The following DLG2 variants were observed in gnomAD, a reference collection of about 807,000 sequenced individuals.
The protein encoded by DLG2 is discs large MAGUK scaffold protein 2, also known as disks large homolog 2.
In DLG2, 45 loss-of-function variants were observed where a neutral mutation model predicts 132.5. The ratio of observed to expected loss-of-function variants is 0.34; its 90% CI spans 0.27 to 0.44. DLG2 has a LOEUF of 0.44. Among genes scored for constraint, DLG2 ranks in the 20% least tolerant of loss-of-function variants. DLG2 has a pLI of 1.00. For missense variants in DLG2, 1,045 were observed against 1,196.9 expected (o/e 0.87, Z 1.87); for synonymous variants, 424 against 419.6 (o/e 1.01, Z -0.13).
At chr11:84,331,244 A>C (rs1418257779) in intron 7 of DLG2, among the ~76,000 whole-genome samples, 1 of 152,104 alleles carries the variant, frequency 6.6e-6, no homozygotes, top group Non-Finnish European at 1.5e-5. Flanking sequence ...AAACTTACAG[A>C]ATTAGAAGTA....
At chr11:83,762,795 A>G (rs1478729323) in intron 18 of DLG2, among the ~76,000 whole-genome samples, 2 of 152,078 alleles carry the variant, frequency 1.3e-5, no homozygotes, top group Admixed American at 6.5e-5. Flanking sequence ...GTTAACCAGG[A>G]TGGTCTCGAT....
At chr11:84,629,415 G>C (rs2099627985) in intron 6 of DLG2, among the ~76,000 whole-genome samples, 1 of 152,068 alleles carries the variant, frequency 6.6e-6, no homozygotes, top group South Asian at 2.1e-4. Context: ...GAAATGCTGG[G>C]GAGCTGTCAC....
At chr11:84,387,905 G>A (rs1171136440) in intron 7 of DLG2, among the ~76,000 whole-genome samples, 1 of 152,138 alleles carries the variant, frequency 6.6e-6, no homozygotes, top group African/African-American at 2.4e-5. Context: ...ATCTATGACT[G>A]GAACCTTGTT....
At chr11:84,955,995 G>C (rs1386197651) in intron 6 of DLG2, among the ~76,000 whole-genome samples, 1 of 152,158 alleles carries the variant, frequency 6.6e-6, no homozygotes, top group South Asian at 2.1e-4. Flanking sequence ...GCAGATAATG[G>C]GAAGCACTGC....
chr11:84,470,979 T>C (rs1364799382), intron 7 of DLG2, among the ~76,000 whole-genome samples: 2 of 151,810 alleles, frequency 1.3e-5, no homozygotes, highest in East Asian at 1.9e-4. Flanking sequence ...GCCCTCCCTA[T>C]TTTTCTTATA....
chr11:84,377,105 T>C (rs1172521129), intron 7 of DLG2, among the ~76,000 whole-genome samples: 1 of 152,112 alleles, frequency 6.6e-6, no homozygotes, highest in Non-Finnish European at 1.5e-5. Context: ...TGATTTAATG[T>C]AATACAAATT....
At chr11:83,467,942 T>TTTGTTACATTTA (rs2091439224) in intron 25 of DLG2, among the ~76,000 whole-genome samples, 1 of 151,142 alleles carries the variant, frequency 6.6e-6, no homozygotes, top group South Asian at 2.1e-4. Context: ...CAAATAAAAA[T>TTTGTTACATTTA]GCTATTACAT....
Position 83,541,719 on chromosome 11 carries a change from C to T in DLG2, c.2080G>A (p.Asp694Asn). ...GGGATGACCCCCATCTCCTCACTGTCTCCCTCCAGCATGACTCTCCTGGCT... is the reference window on the plus strand; with the variant it reads ...GGGATGACCCCCATCTCCTCACTGTTTCCCTCCAGCATGACTCTCCTGGCT... Reference protein sequence around the residue: ...WQARRVMLEGDSEEMGVIPSK... With the variant: ...WQARRVMLEGNSEEMGVIPSK... Residue 694 changes from aspartate (D) to asparagine (N), a missense_variant, in exon 20 of 28, where the codon GAC becomes AAC. Physicochemically the swap from Asp to Asn is conservative, Grantham distance 23. Coordinates refer to ENST00000376104, the MANE Select transcript of DLG2 (RefSeq NM_001142699.3). 1 of 1,612,134 alleles carries T rather than the reference C, an allele frequency of 6.2e-7. No homozygotes were observed. Among genetic ancestry groups the T allele is most frequent in the Non-Finnish European group, 8.5e-7 (1 of 1,179,038 alleles).
At chr11:83,691,764 T>C (rs1432465207) in intron 18 of DLG2, among the ~76,000 whole-genome samples, 1 of 152,142 alleles carries the variant, frequency 6.6e-6, no homozygotes. Flanking sequence ...TCTCCAAGGG[T>C]CTCGGCCACT....
chr11:83,586,824 A>C (rs571537579), intron 19 of DLG2, among the ~76,000 whole-genome samples: 1 of 152,174 alleles, frequency 6.6e-6, no homozygotes, highest in Non-Finnish European at 1.5e-5. Flanking sequence ...CTAGCACCAA[A>C]GCTGGTGCTC....
At chr11:83,837,313 C>T (rs2056460588) in intron 16 of DLG2, among the ~76,000 whole-genome samples, 1 of 152,162 alleles carries the variant, frequency 6.6e-6, no homozygotes, top group Non-Finnish European at 1.5e-5. Flanking sequence ...GTTCAGCTCC[C>T]CACTAGAAAG....
rs1448294510 is a variant in DLG2 at position 84,302,019 on chromosome 11, T to C, written c.520-50728A>G. ...TACACCAGGGAATACTATGCAGCCATAAAAAAGGATGAGTTCACATCCTTT... is the reference window on the plus strand; with the variant it reads ...TACACCAGGGAATACTATGCAGCCACAAAAAAGGATGAGTTCACATCCTTT... On this transcript the variant is annotated intron_variant, in intron 7 of 27. Transcript: ENST00000376104. 2.6e-5 allele frequency among the ~76,000 whole-genome samples: 4 copies of C among 152,094 alleles called. No homozygotes were observed. The East Asian group carries it at 7.7e-4, about 29-fold the overall frequency.
intron 18 of DLG2, among the ~76,000 whole-genome samples, chr11:83,712,941 C>G (rs903615145): frequency 1.3e-5 from 2 of 151,010 alleles, no homozygotes. Context: ...ACCTGCGCAT[C>G]CTGCCCATGT....
intron 22 of DLG2, among the ~76,000 whole-genome samples, chr11:83,481,170 T>A (rs2093071403): frequency 6.6e-6 from 1 of 151,896 alleles, no homozygotes; most frequent in African/African-American, 2.4e-5. Context: ...TATGTTTTTT[T>A]TAAATTCATG....
At chr11:84,932,195 T>A (rs1261920223) in intron 6 of DLG2, among the ~76,000 whole-genome samples, 1 of 152,196 alleles carries the variant, frequency 6.6e-6, no homozygotes, top group Non-Finnish European at 1.5e-5. Flanking sequence ...TCTTTGCCCA[T>A]GCCTATGTCC....
At chr11:84,742,825 C>A (rs2064858155) in intron 6 of DLG2, among the ~76,000 whole-genome samples, 1 of 152,100 alleles carries the variant, frequency 6.6e-6, no homozygotes, top group Non-Finnish European at 1.5e-5. Context: ...CTACTCCAAC[C>A]CCTAGGCAAC....
At chr11:84,016,750 A>G (rs1215949807) in intron 11 of DLG2, among the ~76,000 whole-genome samples, 1 of 152,064 alleles carries the variant, frequency 6.6e-6, no homozygotes, top group African/African-American at 2.4e-5. Context: ...AGGTACAATT[A>G]TTATTCTTAT....
At chr11:84,177,613 T>C (rs76855859) in intron 8 of DLG2, among the ~76,000 whole-genome samples, 21 of 152,256 alleles carry the variant, frequency 1.4e-4, no homozygotes, top group African/African-American at 4.8e-4. Context: ...ATAAATGAAG[T>C]AGGAAGTAAA....
At chr11:83,997,730 CAAAAAAAAAAAAAAAAAAA>C (rs71066079) in intron 11 of DLG2, among the ~76,000 whole-genome samples, 59 of 24,796 alleles carry the variant, frequency 2.4e-3, no homozygotes, top group African/African-American at 7.7e-3. Flanking sequence ...GACTCCATCT[CAAAAAAAAAAAAAAAAAAA>C]AAAAAAAAAA....
Sources: allele counts gnomAD v4.1 joint callset (sites outside exome capture counted in the v4.1 genomes callset), GRCh38; gene constraint gnomAD v4.1.1; transcripts MANE v1.5; gene names NCBI Gene and HGNC (gene_info 2026-07-23, HGNC 2026-07-21).